Variants in CDKL5 observed in about 807,000 individuals in gnomAD.
The protein encoded by CDKL5 is cyclin-dependent kinase-like 5.
In CDKL5, 8 loss-of-function variants were observed where a neutral mutation model predicts 61.7. That is an observed-to-expected ratio of 0.13 (90% CI 0.08 to 0.23). The LOEUF is 0.23. Ranked by LOEUF, CDKL5 falls within the 10% of genes least tolerant of loss-of-function variation. The pLI is 1.00. For missense variants in CDKL5, 440 were observed against 734.5 expected (o/e 0.60, Z 4.63); for synonymous variants, 275 against 272.3 (o/e 1.01, Z -0.10).
At position 18,518,388 on chromosome X, in the gene CDKL5, A is replaced by ATTT. The variant is rs779361711; in HGVS notation, c.99+7567_99+7569dup. 8.3e-3 allele frequency among the ~76,000 whole-genome samples: 175 copies of ATTT among 21,157 alleles called. 27 individuals are homozygous for ATTT. Among genetic ancestry groups the ATTT allele is most frequent in the Non-Finnish European group, 0.012 (136 of 11,599 alleles). The allele number at this position is 21,157 out of a possible 115,157, so 18.4% of individuals were successfully genotyped here. On this transcript the variant is annotated intron_variant, in intron 3 of 17. Coordinates refer to ENST00000623535, the MANE Select transcript of CDKL5 (RefSeq NM_001323289.2). ...AAGTCATGTTTTCTTTTCTTTTCTTATTTTTTTTTTTTTTTTTTTTTTTTT... is the reference window on the plus strand; with the variant it reads ...AAGTCATGTTTTCTTTTCTTTTCTTATTTTTTTTTTTTTTTTTTTTTTTTTTTT...
chrX:18,535,643 C>A, intron 3 of CDKL5: 1 of 143,218 alleles, frequency 7.0e-6, no homozygotes, highest in East Asian at 1.7e-4. Context: ...GATCTTTCCC[C>A]ACATTAAGTG....
intron 1 of CDKL5, among the ~76,000 whole-genome samples, chrX:18,496,686 A>G (rs1327278938): frequency 2.7e-5 from 3 of 112,166 alleles, no homozygotes; most frequent in Non-Finnish European, 5.6e-5. Flanking sequence ...ATGTGATGCT[A>G]TAACACAGTC....
In CDKL5 at chrX:18,634,453, G is replaced by A. The variant is rs902222399; in HGVS notation, c.*5696G>A. 9.3e-6 allele frequency: 7 copies of A among 752,272 alleles called. No homozygotes were observed. The highest frequency in any genetic ancestry group is 6.8e-5 in the South Asian group (1 of 14,635). The allele number at this position is 752,272 out of a possible 1,213,427, so 62.0% of individuals were successfully genotyped here. ...TTTTGCCAGAATTGTCAAAAGCTCC[G>A]GTTCAAACTCTGTAGAGTTTCATGG... On this transcript the variant is annotated 3_prime_UTR_variant, in exon 18 of 18. Coordinates refer to ENST00000623535, the MANE Select transcript of CDKL5 (RefSeq NM_001323289.2).
intron 1 of CDKL5, among the ~76,000 whole-genome samples, chrX:18,437,659 T>G (rs1004630575): frequency 5.3e-5 from 6 of 112,579 alleles, no homozygotes; most frequent in African/African-American, 1.9e-4. Flanking sequence ...AGCACCATTT[T>G]CAAATCTGGT....
In CDKL5 at chrX:18,634,266, TC is replaced by T. The variant is rs1017488410; in HGVS notation, c.*5511del. 8 of 752,058 alleles carry T rather than the reference TC, an allele frequency of 1.1e-5. No homozygotes were observed. The highest frequency in any genetic ancestry group is 2.3e-5 in the African/African-American group (1 of 43,040). 62.0% of individuals were successfully genotyped at this position (752,058 alleles called of 1,213,427 possible). The stretch of plus-strand genomic sequence containing the variant: ...AGACTGCTAAGAATTCCTCAGGACT[TC>T]CTTTGGTTGGGGATTTTACTTTCCC... On this transcript the variant is annotated 3_prime_UTR_variant, in exon 18 of 18. Transcript: ENST00000623535.
chrX:18,604,866 C>A lies in CDKL5; in HGVS notation c.1942C>A (p.Gln648Lys). Residue 648 changes from glutamine to lysine, a missense_variant and splice_region_variant, in exon 12 of 18, where the codon CAG becomes AAG. This residue lies in a region of CDKL5 where 363 missense variants were observed against 516.3 expected (regional missense o/e 0.70). Transcript: ENST00000623535. ...CAACAGCCTGCAACTCTTGTCACCC[C>A]AGGTACAGTTGAGCACCTTGACTGA... ...RANSLQLLSP[Q>K]PGEQLPPEMT... The A allele has an allele frequency of 3.3e-6, 4 of 1,211,411 alleles. No individual in the cohort carries two copies. Among genetic ancestry groups the A allele is most frequent in the Non-Finnish European group, 4.5e-6 (4 of 895,369 alleles).
At chrX:18,440,676 T>G (rs920005724) in intron 1 of CDKL5, among the ~76,000 whole-genome samples, 2 of 111,983 alleles carry the variant, frequency 1.8e-5, no homozygotes, top group Non-Finnish European at 3.8e-5. Flanking sequence ...TTTCACTGTG[T>G]TGGTCAGGCT....
chrX:18,649,204 C>T (rs1486440773), intron 20 of CDKL5, among the ~76,000 whole-genome samples: 2 of 111,000 alleles, frequency 1.8e-5, no homozygotes, highest in African/African-American at 6.6e-5. Flanking sequence ...CAGTTCCTAA[C>T]TGAATTTCTA....
At chrX:18,642,644 C>T (rs764557355), downstream of CDKL5, among the ~76,000 whole-genome samples, 9 of 112,528 alleles carry the variant, frequency 8.0e-5, no homozygotes, top group Non-Finnish European at 1.7e-4. Context: ...AGTGAAAACC[C>T]GTGCTTGGCT....
chrX:18,585,783 A>G (rs979690756), intron 8 of CDKL5, among the ~76,000 whole-genome samples: 3 of 112,353 alleles, frequency 2.7e-5, no homozygotes, highest in African/African-American at 9.7e-5. Context: ...AAAATTAGAT[A>G]TAGTGATAAT....
At chrX:18,608,972 T>C in intron 13 of CDKL5, 60 bp downstream of exon 13, 1 of 755,288 alleles carries the variant, frequency 1.3e-6, no homozygotes, top group South Asian at 2.2e-5. Context: ...GCCTAGCTTT[T>C]AAAATGTATT....
intron 1 of CDKL5, among the ~76,000 whole-genome samples, chrX:18,470,347 GAAGAA>G (rs1921042168): frequency 3.0e-4 from 1 of 3,337 alleles, no homozygotes; most frequent in East Asian, 6.6e-3. Flanking sequence ...AAAAAAAAAA[GAAGAA>G]AAGAAAAAAA....
In CDKL5 at chrX:18,634,605, C is replaced by CA; in HGVS notation, c.*5849dup. On this transcript the variant is annotated 3_prime_UTR_variant, in exon 18 of 18. Transcript: ENST00000623535. ...AGACAACCTGTTTTCTCTAGAGACA[C>CA]ACAATGATTCTGGCCCTCAGTCTGT... is the stretch of plus-strand genomic sequence containing the variant. 6 of 753,892 alleles carry CA rather than the reference C, an allele frequency of 8.0e-6. No individual in the cohort carries two copies. Among genetic ancestry groups the CA allele is most frequent in the Non-Finnish European group, 9.4e-6 (6 of 638,973 alleles). The allele number at this position is 753,892 out of a possible 1,213,427, so 62.1% of individuals were successfully genotyped here. A position where few individuals can be genotyped will look rare whatever the true frequency, so the allele number is the denominator to read the frequency against.
At chrX:18,592,712 A>G (rs1456460457) in intron 9 of CDKL5, among the ~76,000 whole-genome samples, 1 of 112,006 alleles carries the variant, frequency 8.9e-6, no homozygotes. Context: ...TGAGGGAGAA[A>G]TTTTCTTTCA....
chrX:18,470,832 C>T (rs951921974), intron 1 of CDKL5, among the ~76,000 whole-genome samples: 5 of 111,975 alleles, frequency 4.5e-5, no homozygotes, highest in African/African-American at 6.5e-5. Context: ...CTGTTTCCTC[C>T]GTGTAGCTGC....
At chrX:18,470,198 T>C (rs950923592) in intron 1 of CDKL5, among the ~76,000 whole-genome samples, 2 of 108,727 alleles carry the variant, frequency 1.8e-5, no homozygotes, top group Non-Finnish European at 3.8e-5. Context: ...TAGCTGGGCA[T>C]GATGGTGGGT....
At position 18,507,044 on chromosome X, in the gene CDKL5, A is replaced by C; in HGVS notation, c.-53A>C. 2.2e-6 allele frequency: 2 copies of C among 922,414 alleles called. No homozygotes were observed. The highest frequency in any genetic ancestry group is 3.9e-5 in the South Asian group (2 of 51,054). The allele number at this position is 922,414 out of a possible 1,213,427, so 76.0% of individuals were successfully genotyped here. On this transcript the variant is annotated 5_prime_UTR_variant, in exon 2 of 18. Coordinates refer to ENST00000623535, the MANE Select transcript of CDKL5 (RefSeq NM_001323289.2). ...GATCTTACTGCACAGCTTTCTGAGA[A>C]GTTCTTTTGGTGCCATGTTTTGTGG... is the stretch of plus-strand genomic sequence containing the variant.
At chrX:18,562,765 G>A (rs903880066) in intron 3 of CDKL5, among the ~76,000 whole-genome samples, 4 of 111,558 alleles carry the variant, frequency 3.6e-5, no homozygotes, top group Non-Finnish European at 3.8e-5. Context: ...AAACCATATC[G>A]GGGGAGGCAG....
intron 4 of CDKL5, among the ~76,000 whole-genome samples, chrX:18,571,339 A>G (rs1925130171): frequency 9.0e-6 from 1 of 111,366 alleles, no homozygotes; most frequent in Non-Finnish European, 1.9e-5. Flanking sequence ...TGTTCTACTC[A>G]GACTATGAGG....
Sources: gnomAD v4.1 joint callset for allele counts (sites outside exome capture counted in the v4.1 genomes callset) on GRCh38, gnomAD v4.1.1 for gene constraint, gnomAD v4.1.1 regional missense constraint, MANE v1.5 for transcripts, NCBI Gene and HGNC (gene_info 2026-07-23, HGNC 2026-07-21) for gene names.